SLC9C2: variants seen among roughly 807,000 people sequenced by gnomAD.
SLC9C2 encodes sodium/hydrogen exchanger 11.
SLC9C2 carries 75 observed loss-of-function variants against 140.2 expected under a neutral mutation model. The ratio of observed to expected loss-of-function variants is 0.53; its 90% CI spans 0.44 to 0.65. SLC9C2 has a LOEUF of 0.65. Among genes scored for constraint, SLC9C2 ranks in the 30% least tolerant of loss-of-function variants. The pLI, the probability that SLC9C2 is intolerant of heterozygous loss-of-function variation, is 0.00. For synonymous variants in SLC9C2, 375 were observed against 420.9 expected, an observed-to-expected ratio of 0.89 and a Z score of 1.34; for missense variants, 1,074 against 1,331.8, an observed-to-expected ratio of 0.81 and a Z score of 3.01.
chr1:173,562,853 G>C lies in SLC9C2; in HGVS notation c.1047-5345C>G, dbSNP rs1409443630. 1.2e-4 allele frequency among the ~76,000 whole-genome samples: 18 copies of C among 152,090 alleles called. 1 individual carries two copies. Among genetic ancestry groups the C allele is most frequent in the Admixed American group, 1.2e-3 (18 of 15,276 alleles). On this transcript the variant is annotated intron_variant, in intron 9 of 27. Coordinates refer to ENST00000367714, the MANE Select transcript of SLC9C2 (RefSeq NM_178527.4). ...AATCTAAGAATGTTGTAGAGATCAA[G>C]AGAGCTGATCCCTTCCCCCAGGGAT...
intron 10 of SLC9C2, among the ~76,000 whole-genome samples, chr1:173,555,570 A>G (rs1187916379): frequency 2.0e-5 from 3 of 152,216 alleles, no homozygotes; most frequent in Non-Finnish European, 4.4e-5. Flanking sequence ...GAATTAAGAA[A>G]CACTGTGAAA....
chr1:173,545,119 G>A (rs1179735548), intron 13 of SLC9C2, among the ~76,000 whole-genome samples: 2 of 152,110 alleles, frequency 1.3e-5, no homozygotes, highest in Non-Finnish European at 2.9e-5. Flanking sequence ...AAGATTCAAG[G>A]TCGTATTTCA....
At position 173,516,741 on chromosome 1, in the gene SLC9C2, G is replaced by A. The variant is rs148668846; in HGVS notation, c.2907+796C>T. On this transcript the variant is annotated intron_variant, in intron 23 of 27. Coordinates refer to ENST00000367714, the MANE Select transcript of SLC9C2 (RefSeq NM_178527.4). ...TGATGAGCATTTAGGTTGATTCCACGTCTTTGCTGTTGTGAATAGTGCTGC... is the reference window on the plus strand; with the variant it reads ...TGATGAGCATTTAGGTTGATTCCACATCTTTGCTGTTGTGAATAGTGCTGC... Among the ~76,000 whole-genome samples, 1,470 of 152,202 alleles carry A rather than the reference G, an allele frequency of 9.7e-3. 27 individuals carry two copies. Among genetic ancestry groups the A allele is most frequent in the African/African-American group, 0.034 (1,395 of 41,534 alleles).
rs141052173 is a variant in SLC9C2, at chr1:173,578,423, T to A, written c.803-1663A>T. On this transcript the variant is annotated intron_variant, in intron 7 of 27. Coordinates refer to ENST00000367714, the MANE Select transcript of SLC9C2 (RefSeq NM_178527.4). ...ATTTTCGCTTTCCGGCTATGGAACATCTCCTTATAACACTGCCTTTTTCTG... is the reference window on the plus strand; with the variant it reads ...ATTTTCGCTTTCCGGCTATGGAACAACTCCTTATAACACTGCCTTTTTCTG... 5.9e-3 allele frequency among the ~76,000 whole-genome samples: 894 copies of A among 152,332 alleles called. 5 individuals are homozygous for A. The highest frequency in any genetic ancestry group is 0.021 in the African/African-American group (865 of 41,582).
intron 7 of SLC9C2, among the ~76,000 whole-genome samples, chr1:173,581,113 G>A (rs888634231): frequency 6.6e-6 from 1 of 152,184 alleles, no homozygotes; most frequent in African/African-American, 2.4e-5. Flanking sequence ...TAGGTAACTG[G>A]AGGTGAAAGA....
At chr1:173,534,704 T>C in intron 15 of SLC9C2, 22 bp from the exon 16 acceptor site, 3 of 1,411,066 alleles carry the variant, frequency 2.1e-6, no homozygotes, top group Non-Finnish European at 1.9e-6. Context: ...TCAAATAAAA[T>C]GTTAGATCAC....
At chr1:173,504,791 T>C (rs910377354) in intron 26 of SLC9C2, among the ~76,000 whole-genome samples, 1 of 152,222 alleles carries the variant, frequency 6.6e-6, no homozygotes, top group African/African-American at 2.4e-5. Context: ...CAAGGCATAC[T>C]CAAGGCAAGT....
At chr1:173,560,914 A>G (rs1166823134) in intron 9 of SLC9C2, among the ~76,000 whole-genome samples, 1 of 152,060 alleles carries the variant, frequency 6.6e-6, no homozygotes, top group Admixed American at 6.5e-5. Flanking sequence ...CTCCTGCCTC[A>G]GCCTCCTGAG....
intron 1 of SLC9C2, among the ~76,000 whole-genome samples, chr1:173,602,332 C>T (rs894577509): frequency 6.6e-6 from 1 of 152,154 alleles, no homozygotes; most frequent in Admixed American, 6.5e-5. Context: ...ACCACTCCAG[C>T]CCTAATATAT....
chr1:173,575,877 C>T (rs1260654131), intron 8 of SLC9C2, among the ~76,000 whole-genome samples: 2 of 152,058 alleles, frequency 1.3e-5, no homozygotes, highest in South Asian at 2.1e-4. Flanking sequence ...CGTGCCCGGC[C>T]GCCCATGTTT....
At chr1:173,580,314 T>TA (rs1665447911) in intron 7 of SLC9C2, among the ~76,000 whole-genome samples, 1 of 152,104 alleles carries the variant, frequency 6.6e-6, no homozygotes, top group Non-Finnish European at 1.5e-5. Context: ...GATTATCTCA[T>TA]TAATGCCTGC....
At chr1:173,514,285 A>G (rs1261456913) in intron 23 of SLC9C2, among the ~76,000 whole-genome samples, 1 of 152,190 alleles carries the variant, frequency 6.6e-6, no homozygotes, top group Non-Finnish European at 1.5e-5. Flanking sequence ...ATTGTGTGGG[A>G]GTCCAAGTCT....
chr1:173,595,959 C>G (rs1390862151), intron 4 of SLC9C2, among the ~76,000 whole-genome samples: 2 of 152,126 alleles, frequency 1.3e-5, no homozygotes, highest in African/African-American at 4.8e-5. Flanking sequence ...ACACCATTCC[C>G]TAGCAACCAA....
chr1:173,573,045 G>C (rs996402681), intron 9 of SLC9C2, 137 bp downstream of exon 9: 5 of 572,510 alleles, frequency 8.7e-6, no homozygotes, highest in Non-Finnish European at 1.2e-5. Context: ...GCAAGCTATT[G>C]TCAAGGCCTT....
intron 21 of SLC9C2, among the ~76,000 whole-genome samples, chr1:173,521,885 C>CATAA: frequency 1.3e-5 from 1 of 76,948 alleles, no homozygotes; most frequent in Non-Finnish European, 2.5e-5. Flanking sequence ...GGGCGCTATG[C>CATAA]AAAAAAAAAA....
chr1:173,523,839 G>A (rs1172283550), intron 21 of SLC9C2, 130 bp downstream of exon 21: 1 of 1,219,112 alleles, frequency 8.2e-7, no homozygotes, highest in Non-Finnish European at 1.1e-6. Flanking sequence ...GGCTTTCCTG[G>A]GCCTCCATTT....
intron 23 of SLC9C2, among the ~76,000 whole-genome samples, chr1:173,510,625 G>A (rs149057378): frequency 3.9e-5 from 6 of 152,204 alleles, no homozygotes; most frequent in African/African-American, 9.6e-5. Flanking sequence ...TGAGGATGGC[G>A]GCTTCCAATT....
chr1:173,574,540 T>C (rs927918010), intron 8 of SLC9C2, among the ~76,000 whole-genome samples: 1 of 145,894 alleles, frequency 6.9e-6, no homozygotes. Flanking sequence ...GACAGAGTCT[T>C]GCTCTGTCAC....
Position 173,548,450 on chromosome 1 carries a change from T to G in SLC9C2, c.1400A>C (p.Lys467Thr), listed in dbSNP as rs1475838768. Residue 467 changes from lysine (K) to threonine (T), a missense_variant, in exon 12 of 28, where the codon AAA becomes ACA. By Grantham distance (78) the Lys-to-Thr change is moderately conservative. Coordinates refer to ENST00000367714, the MANE Select transcript of SLC9C2 (RefSeq NM_178527.4). ...QNTITLFKTE[K>T]ILTNVNWTLV... ...GGTCCAGTTAACATTTGTCAAAATT[T>G]TTTCTGTTTTAAATAAAGTTATTGT... is the stretch of plus-strand genomic sequence containing the variant. The G allele has an allele frequency of 2.5e-6, 4 of 1,613,798 alleles. No individual in the cohort carries two copies. Among genetic ancestry groups the G allele is most frequent in the Non-Finnish European group, 1.7e-6 (2 of 1,179,800 alleles).
Sources: gnomAD v4.1 joint callset for allele counts (sites outside exome capture counted in the v4.1 genomes callset) on GRCh38, gnomAD v4.1.1 for gene constraint, MANE v1.5 for transcripts, NCBI Gene and HGNC (gene_info 2026-07-23, HGNC 2026-07-21) for gene names.